The following SYT1 variants were observed in gnomAD, a reference collection of about 807,000 sequenced individuals.
SYT1 encodes synaptotagmin 1, also known as synaptotagmin-1.
Under a neutral mutation model 44.8 loss-of-function variants are expected in SYT1, and 8 were observed. The ratio of observed to expected loss-of-function variants is 0.18; its 90% CI spans 0.10 to 0.32. The LOEUF (loss-of-function observed/expected upper bound fraction) is 0.32. Among genes scored for constraint, SYT1 ranks in the 10% least tolerant of loss-of-function variants. The pLI, the probability that SYT1 is intolerant of heterozygous loss-of-function variation, is 1.00. For missense variants in SYT1, 286 were observed against 509.3 expected, an observed-to-expected ratio of 0.56 and a Z score of 4.22; for synonymous variants, 154 against 188.8, an observed-to-expected ratio of 0.82 and a Z score of 1.51.
chr12:79,182,074 G>A (rs910889799), intron 3 of SYT1, among the ~76,000 whole-genome samples: 3 of 152,028 alleles, frequency 2.0e-5, no homozygotes, highest in Admixed American at 6.6e-5. Context: ...GTTACCCTGA[G>A]TTATTACTTT....
In SYT1 at chr12:79,217,661, A is replaced by G; in HGVS notation, c.142A>G (p.Met48Val). Residue 48 changes from methionine (M) to valine (V), a missense_variant, in exon 4 of 11, where the codon ATG becomes GTG. By Grantham distance (21) the Met-to-Val change is conservative. Around this residue, in one of 6 missense-constraint regions of SYT1, gnomAD observed 141 missense variants for 165.7 expected, o/e 0.85. Coordinates refer to ENST00000261205, the MANE Select transcript of SYT1 (RefSeq NM_005639.3). The part of the protein sequence containing the change: ...DAFSKLKEKF[M>V]NELHKIPLPP... ...ATTTTCTAAGCTGAAGGAGAAGTTT[A>G]TGAATGAGTTGCATAAAATTCCATG... 2 of 1,612,878 alleles carry G rather than the reference A, an allele frequency of 1.2e-6. No individual in the cohort carries two copies. Among genetic ancestry groups the G allele is most frequent in the Non-Finnish European group, 1.7e-6 (2 of 1,179,440 alleles).
intron 2 of SYT1, among the ~76,000 whole-genome samples, chr12:78,986,053 T>C (rs1038348078): frequency 2.0e-5 from 3 of 152,008 alleles, no homozygotes; most frequent in Admixed American, 6.6e-5. Context: ...ACTGGTTTTA[T>C]CAGATTCCAT....
chr12:79,339,412 G>T lies in SYT1; in HGVS notation c.811-14090G>T, dbSNP rs1424160421. 3.9e-5 allele frequency among the ~76,000 whole-genome samples: 6 copies of T among 152,292 alleles called. No individual in the cohort carries two copies. In the South Asian group the frequency reaches 6.2e-4, roughly 16 times the overall value. On this transcript the variant is annotated intron_variant, in intron 8 of 10. Coordinates refer to ENST00000261205, the MANE Select transcript of SYT1 (RefSeq NM_005639.3). ...TTGTGGTTTTGATTTGCATTTCTCT[G>T]ATGACCAGTGATGATGAGCATTTTT...
chr12:79,343,444 T>A (rs1016166801), intron 8 of SYT1, among the ~76,000 whole-genome samples: 5 of 152,350 alleles, frequency 3.3e-5, no homozygotes, highest in African/African-American at 9.6e-5. Context: ...GTAATTCTAC[T>A]GACTCCATCA....
intron 9 of SYT1, among the ~76,000 whole-genome samples, chr12:79,401,023 C>CT (rs1293540757): frequency 1.3e-5 from 2 of 152,102 alleles, no homozygotes; most frequent in Non-Finnish European, 2.9e-5. Flanking sequence ...TTAAATAAAC[C>CT]TTTTCAGTGC....
At chr12:79,049,257 T>G (rs1874293376) in intron 3 of SYT1, among the ~76,000 whole-genome samples, 1 of 151,942 alleles carries the variant, frequency 6.6e-6, no homozygotes, top group African/African-American at 2.4e-5. Context: ...GGATTTAGCC[T>G]AGCATACCTC....
chr12:79,022,861 G>A (rs1872286199), intron 2 of SYT1, among the ~76,000 whole-genome samples: 6 of 151,560 alleles, frequency 4.0e-5, no homozygotes, highest in Admixed American at 3.3e-4. Context: ...ACAATATACA[G>A]CAAAACAACC....
At chr12:78,896,375 T>G (rs1012012862) in intron 1 of SYT1, among the ~76,000 whole-genome samples, 11 of 151,788 alleles carry the variant, frequency 7.2e-5, no homozygotes, top group African/African-American at 2.7e-4. Context: ...GAAGATGCCT[T>G]AGGATAAATT....
At chr12:79,139,749 C>T (rs555674268) in intron 3 of SYT1, among the ~76,000 whole-genome samples, 1 of 152,168 alleles carries the variant, frequency 6.6e-6, no homozygotes, top group Non-Finnish European at 1.5e-5. Flanking sequence ...TGAGACAGGA[C>T]ACATTTTTGT....
At chr12:78,994,059 T>C (rs1162552154) in intron 2 of SYT1, among the ~76,000 whole-genome samples, 1 of 152,236 alleles carries the variant, frequency 6.6e-6, no homozygotes, top group Non-Finnish European at 1.5e-5. Flanking sequence ...CCTTCACATG[T>C]GTGGTTTTTC....
intron 2 of SYT1, among the ~76,000 whole-genome samples, chr12:78,986,182 C>A (rs564090983): frequency 6.6e-6 from 1 of 151,900 alleles, no homozygotes; most frequent in Non-Finnish European, 1.5e-5. Flanking sequence ...TGGTGAATAG[C>A]GAAGATGATT....
intron 3 of SYT1, among the ~76,000 whole-genome samples, chr12:79,160,111 A>G (rs1870857429): frequency 6.6e-6 from 1 of 152,124 alleles, no homozygotes. Flanking sequence ...AAATAGAACT[A>G]TTAGGCTTTG....
chr12:79,134,856 A>G (rs572019361), intron 3 of SYT1, among the ~76,000 whole-genome samples: 5 of 152,180 alleles, frequency 3.3e-5, no homozygotes, highest in East Asian at 1.9e-4. Context: ...ATGTTGGTCT[A>G]AGGGTGCAAA....
chr12:78,994,553 T>TC (rs1828746715), intron 2 of SYT1, among the ~76,000 whole-genome samples: 1 of 148,252 alleles, frequency 6.7e-6, no homozygotes, highest in Non-Finnish European at 1.5e-5. Context: ...TTTTTTTTTT[T>TC]TGAGATGGAG....
At chr12:79,119,681 G>A (rs542781621) in intron 3 of SYT1, among the ~76,000 whole-genome samples, 131 of 152,188 alleles carry the variant, frequency 8.6e-4, no homozygotes, top group Middle Eastern at 6.8e-3. Flanking sequence ...GAGAGTTGAC[G>A]TGACAGCAAG....
rs1565723456 is a variant in SYT1, at chr12:78,931,236, AAAGAAGG to A, written c.-216-46559_-216-46553del. On this transcript the variant is annotated intron_variant, in intron 1 of 10. Transcript: ENST00000261205. ...GAAAGAAAGAAAGAAAGAAAGAAAG[AAAGAAGG>A]AAGGAAGGAAGGAAGGAAGGAAGGA... Among the ~76,000 whole-genome samples, 119 of 58,690 alleles carry A rather than the reference AAAGAAGG, an allele frequency of 2.0e-3. 3 individuals carry two copies. Among genetic ancestry groups the A allele is most frequent in the African/African-American group, 5.5e-3 (55 of 9,914 alleles). 38.5% of individuals were successfully genotyped at this position (58,690 alleles called of 152,430 possible).
At chr12:79,163,883 A>G (rs1871095588) in intron 3 of SYT1, among the ~76,000 whole-genome samples, 1 of 151,982 alleles carries the variant, frequency 6.6e-6, no homozygotes, top group Non-Finnish European at 1.5e-5. Context: ...CATTTTTCTC[A>G]TTGTTTGTTA....
intron 4 of SYT1, among the ~76,000 whole-genome samples, chr12:79,278,200 G>A (rs1878842096): frequency 6.6e-6 from 1 of 152,010 alleles, no homozygotes; most frequent in Non-Finnish European, 1.5e-5. Flanking sequence ...CCCCAAAAGT[G>A]CAGCATATAC....
intron 2 of SYT1, among the ~76,000 whole-genome samples, chr12:78,980,345 G>A (rs1394466108): frequency 6.6e-6 from 1 of 152,170 alleles, no homozygotes; most frequent in Non-Finnish European, 1.5e-5. Flanking sequence ...ACTCCATGGA[G>A]ACAAGGTCTA....
Sources: allele counts gnomAD v4.1 joint callset (sites outside exome capture counted in the v4.1 genomes callset), GRCh38; gene constraint gnomAD v4.1.1; regional missense constraint gnomAD v4.1.1; transcripts MANE v1.5; gene names NCBI Gene and HGNC (gene_info 2026-07-23, HGNC 2026-07-21).